SHOC2: variants seen among roughly 807,000 people sequenced by gnomAD.
SHOC2 encodes the protein leucine-rich repeat protein SHOC-2.
In SHOC2, 4 loss-of-function variants were observed where a neutral mutation model predicts 50.2. The ratio of observed to expected loss-of-function variants is 0.08; its 90% confidence interval spans 0.04 to 0.18. The LOEUF is 0.18. Ranked by LOEUF, SHOC2 falls within the 10% of genes least tolerant of loss-of-function variation. The probability of loss-of-function intolerance (pLI) is 1.00; values close to 1 mark genes in which losing one functional copy is unlikely to be tolerated. For synonymous variants in SHOC2, 218 were observed against 244.5 expected (o/e 0.89, Z 1.01); for missense variants, 388 against 669.6 (o/e 0.58, Z 4.64).
intron 3 of SHOC2, among the ~76,000 whole-genome samples, chr10:110,999,459 T>C (rs1267715051): frequency 1.3e-5 from 2 of 151,896 alleles, no homozygotes; most frequent in African/African-American, 2.4e-5. Context: ...AATGCTCAGC[T>C]GGGCGCAGTG....
At chr10:110,929,478 T>A (rs1846844825) in intron 1 of SHOC2, among the ~76,000 whole-genome samples, 1 of 152,226 alleles carries the variant, frequency 6.6e-6, no homozygotes, top group African/African-American at 2.4e-5. Flanking sequence ...TATTTTGAGA[T>A]TTTCTTTATC....
At chr10:110,939,395 T>C (rs1590785482) in intron 1 of SHOC2, among the ~76,000 whole-genome samples, 1 of 152,214 alleles carries the variant, frequency 6.6e-6, no homozygotes, top group East Asian at 1.9e-4. Context: ...TTTTTATTTA[T>C]TTATTATAGA....
At chr10:110,953,727 C>CGT (rs938506297) in intron 1 of SHOC2, among the ~76,000 whole-genome samples, 2 of 150,304 alleles carry the variant, frequency 1.3e-5, no homozygotes, top group African/African-American at 2.4e-5. Flanking sequence ...CACACACACA[C>CGT]GTGTATATAT....
intron 3 of SHOC2, among the ~76,000 whole-genome samples, chr10:110,986,538 A>G (rs1205038145): frequency 1.3e-5 from 2 of 151,898 alleles, no homozygotes; most frequent in Non-Finnish European, 2.9e-5. Flanking sequence ...CAGTGGCGTG[A>G]TCTTTGCTCA....
chr10:110,970,905 T>A (rs947084560), intron 2 of SHOC2, among the ~76,000 whole-genome samples: 1 of 152,170 alleles, frequency 6.6e-6, no homozygotes. Context: ...TGCCCATTTT[T>A]AAATCACATA....
chr10:110,995,889 G>A (rs982052105), intron 3 of SHOC2, among the ~76,000 whole-genome samples: 1 of 152,170 alleles, frequency 6.6e-6, no homozygotes, highest in Non-Finnish European at 1.5e-5. Context: ...TAGAGACAGA[G>A]ATGTTCCTTC....
chr10:110,973,381 A>G (rs1733519202), intron 2 of SHOC2, among the ~76,000 whole-genome samples: 1 of 152,136 alleles, frequency 6.6e-6, no homozygotes, highest in African/African-American at 2.4e-5. Context: ...TTGATTGCCT[A>G]CTAGGTACAT....
chr10:111,011,835 C>T lies in SHOC2; in HGVS notation c.*17C>T. The T allele has an allele frequency of 6.3e-7, 1 of 1,587,314 alleles. No individual in the cohort carries two copies. The highest frequency in any genetic ancestry group is 8.7e-7 in the Non-Finnish European group (1 of 1,155,692). ...ATGGTCTGATATAAATCTGCTGGTC[C>T]CACACACTGTTCAAAAATAGACTGC... is the stretch of plus-strand genomic sequence containing the variant. On this transcript the variant is annotated 3_prime_UTR_variant, in exon 9 of 9. Coordinates refer to ENST00000369452, the MANE Select transcript of SHOC2 (RefSeq NM_007373.4).
intron 1 of SHOC2, among the ~76,000 whole-genome samples, chr10:110,923,417 C>T (rs936341330): frequency 2.0e-5 from 3 of 151,630 alleles, no homozygotes; most frequent in African/African-American, 7.3e-5. Flanking sequence ...GGTATTTTCC[C>T]CCGGGTCTCA....
chr10:110,987,282 A>G (rs1489978107), intron 3 of SHOC2, among the ~76,000 whole-genome samples: 1 of 152,130 alleles, frequency 6.6e-6, no homozygotes, highest in Admixed American at 6.5e-5. Flanking sequence ...GGGAGAATTT[A>G]TTTGAATTAC....
intron 1 of SHOC2, among the ~76,000 whole-genome samples, chr10:110,958,900 A>G (rs1178286984): frequency 2.6e-5 from 4 of 152,122 alleles, no homozygotes; most frequent in East Asian, 3.8e-4. Context: ...AGTTTAAACC[A>G]ATTGTTCTCA....
intron 1 of SHOC2, among the ~76,000 whole-genome samples, chr10:110,952,027 C>T (rs1847363248): frequency 6.6e-6 from 1 of 152,166 alleles, no homozygotes; most frequent in African/African-American, 2.4e-5. Flanking sequence ...TTAGGACAGA[C>T]TTAAGAGGTC....
At chr10:110,950,881 C>T (rs1436377299) in intron 1 of SHOC2, among the ~76,000 whole-genome samples, 1 of 152,002 alleles carries the variant, frequency 6.6e-6, no homozygotes, top group African/African-American at 2.4e-5. Context: ...ACACCATGTA[C>T]AAAAATCAAC....
intron 2 of SHOC2, among the ~76,000 whole-genome samples, chr10:110,981,797 C>T (rs1380681297): frequency 1.3e-5 from 2 of 151,712 alleles, no homozygotes; most frequent in African/African-American, 4.8e-5. Flanking sequence ...CCTAATCATT[C>T]TCGGTCATGA....
chr10:110,964,317 A>G lies in SHOC2; in HGVS notation c.-42A>G, dbSNP rs547869981. The G allele has an allele frequency of 4.9e-5, 78 of 1,599,992 alleles. No homozygotes were observed. In the African/African-American group the frequency reaches 9.7e-4, roughly 20 times the overall value. Reference sequence around the variant, plus strand: ...CATCTTTGAATTCAATTACTGGAAAATAAAAGGAGTTCATGTAGTTTTTGT... The same window carrying G: ...CATCTTTGAATTCAATTACTGGAAAGTAAAAGGAGTTCATGTAGTTTTTGT... On this transcript the variant is annotated 5_prime_UTR_variant, in exon 2 of 9. Coordinates refer to ENST00000369452, the MANE Select transcript of SHOC2 (RefSeq NM_007373.4). This position sits in a 1 kb window ranked among gnomAD's most constrained non-coding sequence, Gnocchi z 4.9.
intron 2 of SHOC2, among the ~76,000 whole-genome samples, chr10:110,968,217 A>G (rs1303788585): frequency 1.3e-5 from 2 of 152,106 alleles, no homozygotes; most frequent in African/African-American, 4.8e-5. Context: ...TGATCACTAT[A>G]TATTTGTTTT....
intron 1 of SHOC2, among the ~76,000 whole-genome samples, chr10:110,940,358 C>T (rs1847111256): frequency 1.3e-5 from 2 of 152,142 alleles, no homozygotes; most frequent in Admixed American, 1.3e-4. Flanking sequence ...GCGTAACTCT[C>T]ACATACCTTT....
In SHOC2 at chr10:110,960,968, C is replaced by T. The variant is rs1232626117; in HGVS notation, c.-234-3157C>T. ...CTAGGATTACAGACGTGAACCACCACGCCTGGCCAAATTTGTAGTGTTTTT... is the reference window on the plus strand; with the variant it reads ...CTAGGATTACAGACGTGAACCACCATGCCTGGCCAAATTTGTAGTGTTTTT... On this transcript the variant is annotated intron_variant, in intron 1 of 8. Transcript: ENST00000369452. Among the ~76,000 whole-genome samples the T allele has an allele frequency of 2.6e-5, 4 of 152,150 alleles. No homozygotes were observed. The East Asian group carries it at 7.7e-4, about 29-fold the overall frequency.
intron 1 of SHOC2, among the ~76,000 whole-genome samples, chr10:110,938,857 T>C (rs936271888): frequency 1.3e-5 from 2 of 152,194 alleles, no homozygotes; most frequent in African/African-American, 4.8e-5. Context: ...TGCTTTTTAA[T>C]AGGGATAAAT....
Sources: gnomAD v4.1 joint callset for allele counts (sites outside exome capture counted in the v4.1 genomes callset) on GRCh38, gnomAD v4.1.1 for gene constraint, Gnocchi (gnomAD v3.1) non-coding constraint, MANE v1.5 for transcripts, NCBI Gene and HGNC (gene_info 2026-07-23, HGNC 2026-07-21) for gene names.